A2ML1: variants seen among roughly 807,000 people sequenced by gnomAD.
A2ML1 encodes alpha-2-macroglobulin-like protein 1.
Under a neutral mutation model 181.9 loss-of-function variants are expected in A2ML1, and 161 were observed. The observed-to-expected ratio is 0.89, with a 90% CI of 0.78 to 1.01. A2ML1 has a LOEUF of 1.01. Among genes scored for constraint, A2ML1 ranks in the 50% least tolerant of loss-of-function variants. The probability of loss-of-function intolerance (pLI) is 0.00; values close to 1 mark genes in which losing one functional copy is unlikely to be tolerated. For synonymous variants in A2ML1, 663 were observed against 666.8 expected (o/e 0.99, Z 0.09); for missense variants, 1,670 against 1,768.1 (o/e 0.94, Z 1.00).
intron 14 of A2ML1, among the ~76,000 whole-genome samples, chr12:8,846,836 G>T (rs1055687568): frequency 7.3e-5 from 11 of 151,122 alleles, no homozygotes; most frequent in African/African-American, 2.4e-4. Flanking sequence ...AATTAGTTGA[G>T]TGTGGTGATG....
At chr12:8,874,373 G>T (rs1334879689) in intron 33 of A2ML1, 52 bp from the exon 34 acceptor site, 7 of 1,382,548 alleles carry the variant, frequency 5.1e-6, no homozygotes, top group Non-Finnish European at 6.2e-6. Flanking sequence ...ATTGCATACA[G>T]TGTAATTTTC....
chr12:8,829,654 C>CAAAA (rs778132993), intron 3 of A2ML1, 73 bp from the exon 4 acceptor site: 125 of 1,114,724 alleles, frequency 1.1e-4, no homozygotes, highest in African/African-American at 2.2e-4. Context: ...GACCCTGTAT[C>CAAAA]AAAAAAAAAA....
intron 10 of A2ML1, 46 bp downstream of exon 10, chr12:8,839,268 T>C: frequency 7.0e-7 from 1 of 1,436,548 alleles, no homozygotes; most frequent in Non-Finnish European, 9.7e-7. Flanking sequence ...TGCATAACCA[T>C]CTACTTTGCC....
At chr12:8,845,060 T>C in intron 12 of A2ML1, 2 of 1,433,324 alleles carry the variant, frequency 1.4e-6, no homozygotes, top group Admixed American at 2.8e-5. Context: ...GAATTTTAAA[T>C]TGAGCTGTAA....
chr12:8,841,560 T>A, intron 11 of A2ML1, 24 bp downstream of exon 11: 1 of 1,587,358 alleles, frequency 6.3e-7, no homozygotes, highest in Non-Finnish European at 8.6e-7. Context: ...GAGGACCAGC[T>A]TCCTAGAAAG....
In A2ML1 at chr12:8,874,525, C is replaced by T. The variant is rs780533775; in HGVS notation, c.4322C>T (p.Pro1441Leu). ...ATCAAGGTCTATGACTACTACCTAC[C>T]AGGTGAGAGGGCTGAGCTGAAATGA... Reference protein sequence around the residue: ...ATIKVYDYYLPDEQATIQYSD... With the variant: ...ATIKVYDYYLLDEQATIQYSD... Residue 1441 changes from proline (P) to leucine (L), a missense_variant and splice_region_variant, in exon 34 of 36, where the codon CCA (proline) becomes CTA (leucine). Transcript: ENST00000299698. The T allele has an allele frequency of 6.2e-7, 1 of 1,611,150 alleles. No homozygotes were observed. The highest frequency in any genetic ancestry group is 1.7e-5 in the Admixed American group (1 of 60,000).
At chr12:8,885,887 T>A (rs1279970567) in intron 7 of A2ML1, among the ~76,000 whole-genome samples, 1 of 152,190 alleles carries the variant, frequency 6.6e-6, no homozygotes, top group African/African-American at 2.4e-5. Context: ...TGAAAGACCA[T>A]CCTTTTCCCA....
intron 3 of A2ML1, among the ~76,000 whole-genome samples, chr12:8,826,394 C>A (rs1942929780): frequency 6.6e-6 from 1 of 151,938 alleles, no homozygotes; most frequent in South Asian, 2.1e-4. Flanking sequence ...ATGGAATTAT[C>A]TTTCTTAATT....
Position 8,867,951 on chromosome 12 carries a change from T to G in A2ML1, c.3827T>G (p.Phe1276Cys). The change falls in exon 30 of 36, where the codon TTC (phenylalanine) becomes TGC (cysteine). Residue 1276 changes from phenylalanine to cysteine, a missense_variant. Physicochemically the swap from Phe to Cys is radical, Grantham distance 205. Transcript: ENST00000299698. ...VKSTENFQRT[F>C]NIQSVNRLVF... Reference sequence around the variant, plus strand: ...TCCACTGAGAATTTCCAGCGCACATTCAACATACAGTCAGTTAACAGATTG... The same window carrying G: ...TCCACTGAGAATTTCCAGCGCACATGCAACATACAGTCAGTTAACAGATTG... 1 of 1,614,204 alleles carries G rather than the reference T, an allele frequency of 6.2e-7. No homozygotes were observed. Among genetic ancestry groups the G allele is most frequent in the East Asian group, 2.2e-5 (1 of 44,872 alleles).
chr12:8,885,846 A>G (rs187260636), intron 7 of A2ML1, among the ~76,000 whole-genome samples: 10 of 152,308 alleles, frequency 6.6e-5, no homozygotes, highest in Non-Finnish European at 1.5e-4. Flanking sequence ...GTTTTCCTAC[A>G]TGGATATTTA....
chr12:8,868,734 CAAGGCATGTATAT>C, intron 32 of A2ML1, 107 bp downstream of exon 32: 4 of 818,866 alleles, frequency 4.9e-6, no homozygotes, highest in Non-Finnish European at 7.8e-6. Flanking sequence ...CACACACACA[CAAGGCATGTATAT>C]ACATACATAT....
At chr12:8,868,139 TTCTTTCTCAC>T in intron 30 of A2ML1, 81 bp from the exon 31 acceptor site, 1 of 1,609,080 alleles carries the variant, frequency 6.2e-7, no homozygotes, top group East Asian at 2.2e-5. Context: ...CTCTCTCTCT[TTCTTTCTCAC>T]TTGTAAGAAA....
intron 10 of A2ML1, 135 bp from the exon 11 acceptor site, chr12:8,841,234 T>C: frequency 1.3e-6 from 1 of 748,668 alleles, no homozygotes; most frequent in African/African-American, 1.8e-5. Flanking sequence ...TCCTGAAATG[T>C]ATTCTTAGAA....
Position 8,823,805 on chromosome 12 carries a change from A to C in A2ML1, c.332A>C (p.Lys111Thr). Residue 111 changes from lysine to threonine, a missense_variant, in exon 3 of 36, where the codon AAA becomes ACA. Physicochemically the swap from Lys to Thr is moderately conservative, Grantham distance 78 (BLOSUM62 -1). Transcript: ENST00000299698. ...VGNNISFEEK[K>T]KVLIQRQGNG... ...AATAACATCAGCTTTGAGGAGAAGA[A>C]AAAGGTTCTAATTCAGAGGCAGGGG... is the stretch of plus-strand genomic sequence containing the variant. The C allele has an allele frequency of 6.2e-7, 1 of 1,614,130 alleles. No homozygotes were observed. The highest frequency in any genetic ancestry group is 8.5e-7 in the Non-Finnish European group (1 of 1,180,014).
chr12:8,857,643 C>A, intron 25 of A2ML1, 55 bp downstream of exon 25: 2 of 1,540,806 alleles, frequency 1.3e-6, no homozygotes, highest in Non-Finnish European at 1.8e-6. Flanking sequence ...ATTCCTGAGC[C>A]CTCTGGAACT....
At chr12:8,831,705 A>G (rs1364849096) in intron 4 of A2ML1, among the ~76,000 whole-genome samples, 1 of 152,150 alleles carries the variant, frequency 6.6e-6, no homozygotes, top group Non-Finnish European at 1.5e-5. Context: ...CTGTTACTCA[A>G]ATCAGTCTCC....
intron 3 of A2ML1, 54 bp downstream of exon 3, chr12:8,823,936 A>C (rs979274771): frequency 1.2e-5 from 18 of 1,531,014 alleles, no homozygotes; most frequent in Middle Eastern, 1.9e-4. Context: ...CGCTGTGCAC[A>C]GGGGTAAAGA....
In A2ML1 at chr12:8,874,467, A is replaced by G. The variant is rs1167862264; in HGVS notation, c.4264A>G (p.Ser1422Gly). ...GACTTACACCTTCACCATCAGCCAA[A>G]GTGTGCTGGTCACCAACTTGAAACC... is the stretch of plus-strand genomic sequence containing the variant. ...TQTYTFTISQ[S>G]VLVTNLKPAT... The change falls in exon 34 of 36, where the codon AGT (serine) becomes GGT (glycine). Residue 1422 changes from serine (S) to glycine (G), a missense_variant. Physicochemically the swap from Ser to Gly is moderately conservative, Grantham distance 56. Coordinates refer to ENST00000299698, the MANE Select transcript of A2ML1 (RefSeq NM_144670.6). 6.2e-7 allele frequency: 1 copy of G among 1,614,106 alleles called. No homozygotes were observed. The highest frequency in any genetic ancestry group is 1.3e-5 in the African/African-American group (1 of 75,028).
At chr12:8,826,522 A>C (rs980129208) in intron 3 of A2ML1, among the ~76,000 whole-genome samples, 1 of 152,096 alleles carries the variant, frequency 6.6e-6, no homozygotes, top group Non-Finnish European at 1.5e-5. Flanking sequence ...ATCACTGCTT[A>C]CTGCAACCTC....
Sources: allele counts gnomAD v4.1 joint callset (sites outside exome capture counted in the v4.1 genomes callset), GRCh38; gene constraint gnomAD v4.1.1; transcripts MANE v1.5; gene names NCBI Gene and HGNC (gene_info 2026-07-23, HGNC 2026-07-21).